PRKCE: variants seen among roughly 807,000 people sequenced by gnomAD.
PRKCE encodes the protein protein kinase C epsilon type.
A neutral mutation model predicts 85.4 loss-of-function variants in PRKCE; 16 were observed. The ratio of observed to expected loss-of-function variants is 0.19; its 90% CI spans 0.13 to 0.28. The LOEUF (loss-of-function observed/expected upper bound fraction) is 0.28. Ranked by LOEUF, PRKCE falls within the 10% of genes least tolerant of loss-of-function variation. PRKCE has a pLI of 1.00. For missense variants in PRKCE, 573 were observed against 975.2 expected (o/e 0.59, Z 5.49); for synonymous variants, 388 against 371.5 (o/e 1.04, Z -0.51).
intron 1 of PRKCE, among the ~76,000 whole-genome samples, chr2:45,734,174 G>A (rs67308525): frequency 0.41 from 62,014 of 151,838 alleles, 12,787 homozygotes; most frequent in Admixed American, 0.45. Flanking sequence ...AGACCATCCT[G>A]GCCAACATGG....
chr2:45,865,751 A>G (rs1382739178), intron 2 of PRKCE, among the ~76,000 whole-genome samples: 1 of 151,832 alleles, frequency 6.6e-6, no homozygotes, highest in Non-Finnish European at 1.5e-5. Context: ...TGAACCTGCC[A>G]GTGCCCTGAT....
intron 1 of PRKCE, among the ~76,000 whole-genome samples, chr2:45,720,629 G>A (rs987435094): frequency 6.6e-6 from 1 of 152,114 alleles, no homozygotes; most frequent in African/African-American, 2.4e-5. Context: ...CTGTCCTCTG[G>A]TGAGACCCAA....
chr2:45,760,054 TA>T (rs1183637305), intron 1 of PRKCE, among the ~76,000 whole-genome samples: 1 of 152,162 alleles, frequency 6.6e-6, no homozygotes, highest in East Asian at 1.9e-4. Context: ...GAAAGGGCTG[TA>T]ACAGCTGCTG....
intron 10 of PRKCE, among the ~76,000 whole-genome samples, chr2:46,048,416 T>C (rs1414739285): frequency 1.3e-5 from 2 of 152,204 alleles, no homozygotes; most frequent in Non-Finnish European, 2.9e-5. Flanking sequence ...CAATTTCCCA[T>C]GTCCAGAGAT....
Position 46,178,248 on chromosome 2 carries a change from GA to G in PRKCE, c.2068-6484del, listed in dbSNP as rs368188750. On this transcript the variant is annotated intron_variant, in intron 14 of 14. Transcript: ENST00000306156. ...GCACTCCAGCCTGGGCAACAAGAGC[GA>G]AACTCTGTCTCAAAAAAAAATAGAG... Among the ~76,000 whole-genome samples the G allele has an allele frequency of 5.5e-3, 835 of 152,242 alleles. 10 individuals carry two copies. Among genetic ancestry groups the G allele is most frequent in the African/African-American group, 0.019 (793 of 41,546 alleles).
intron 1 of PRKCE, among the ~76,000 whole-genome samples, chr2:45,743,665 G>A (rs1682771983): frequency 1.3e-5 from 2 of 152,176 alleles, no homozygotes; most frequent in Admixed American, 6.5e-5. Flanking sequence ...CCTCACATCC[G>A]TATTGTGGGC....
intron 10 of PRKCE, among the ~76,000 whole-genome samples, chr2:46,030,467 G>C (rs1385854626): frequency 6.6e-6 from 1 of 152,154 alleles, no homozygotes; most frequent in East Asian, 1.9e-4. Context: ...GAGAGAGGGA[G>C]AGACTGAAAG....
intron 2 of PRKCE, among the ~76,000 whole-genome samples, chr2:45,955,737 T>C (rs901800863): frequency 6.6e-6 from 1 of 152,164 alleles, no homozygotes; most frequent in African/African-American, 2.4e-5. Context: ...TTTGTATCTT[T>C]AGTAGCTCCT....
intron 11 of PRKCE, among the ~76,000 whole-genome samples, chr2:46,113,338 C>A (rs1377370108): frequency 6.6e-6 from 1 of 152,232 alleles, no homozygotes; most frequent in African/African-American, 2.4e-5. Context: ...TTACAGATAT[C>A]TGAACTTAAA....
chr2:46,057,181 C>T (rs551792896), intron 10 of PRKCE, among the ~76,000 whole-genome samples: 1 of 152,254 alleles, frequency 6.6e-6, no homozygotes, highest in South Asian at 2.1e-4. Context: ...GAGAATATTC[C>T]AGTGAATGAT....
At chr2:46,008,636 C>G (rs1012633613) in intron 9 of PRKCE, among the ~76,000 whole-genome samples, 3 of 152,178 alleles carry the variant, frequency 2.0e-5, no homozygotes, top group African/African-American at 7.2e-5. Context: ...TCCCAGCCGT[C>G]TCACCTGCCC....
intron 2 of PRKCE, among the ~76,000 whole-genome samples, chr2:45,918,323 T>G (rs1697989037): frequency 6.6e-6 from 1 of 152,258 alleles, no homozygotes; most frequent in African/African-American, 2.4e-5. Context: ...GACTGTGTAA[T>G]GTAGGCTTTA....
chr2:45,926,344 A>G (rs979951970), intron 2 of PRKCE, among the ~76,000 whole-genome samples: 3 of 152,224 alleles, frequency 2.0e-5, no homozygotes, highest in African/African-American at 7.2e-5. Context: ...TCTTCAAATA[A>G]AAGCCTTTCA....
At chr2:46,011,285 T>C (rs900230367) in intron 10 of PRKCE, among the ~76,000 whole-genome samples, 4 of 152,250 alleles carry the variant, frequency 2.6e-5, no homozygotes, top group Non-Finnish European at 4.4e-5. Context: ...CTGTGGCTTA[T>C]GTGGAACCCA....
intron 1 of PRKCE, among the ~76,000 whole-genome samples, chr2:45,780,029 T>C (rs1478550304): frequency 6.6e-6 from 1 of 150,870 alleles, no homozygotes; most frequent in Non-Finnish European, 1.5e-5. Flanking sequence ...CCAGACATCA[T>C]ACATTGCATC....
intron 2 of PRKCE, among the ~76,000 whole-genome samples, chr2:45,860,281 G>C (rs889986571): frequency 6.6e-6 from 1 of 152,200 alleles, no homozygotes; most frequent in East Asian, 1.9e-4. Flanking sequence ...CCCAAATGCT[G>C]TGTTTAGGGG....
intron 11 of PRKCE, among the ~76,000 whole-genome samples, chr2:46,144,814 A>G (rs1055414076): frequency 2.0e-5 from 3 of 152,214 alleles, no homozygotes; most frequent in African/African-American, 4.8e-5. Context: ...CAGGGCTTCT[A>G]TATATACCTA....
At chr2:45,890,013 T>C (rs958934096) in intron 2 of PRKCE, among the ~76,000 whole-genome samples, 3 of 152,222 alleles carry the variant, frequency 2.0e-5, no homozygotes. Context: ...GCATTATTAC[T>C]GAATCCCAGC....
intron 2 of PRKCE, among the ~76,000 whole-genome samples, chr2:45,865,132 G>A (rs1199400797): frequency 2.0e-5 from 3 of 152,184 alleles, no homozygotes; most frequent in African/African-American, 7.2e-5. Context: ...AATCTGGGGT[G>A]GTGCCTGAGA....
Sources: gnomAD v4.1 joint callset for allele counts (sites outside exome capture counted in the v4.1 genomes callset) on GRCh38, gnomAD v4.1.1 for gene constraint, MANE v1.5 for transcripts, NCBI Gene and HGNC (gene_info 2026-07-23, HGNC 2026-07-21) for gene names.